The following MEGF11 variants were observed in gnomAD, a reference collection of about 807,000 sequenced individuals.
MEGF11 encodes multiple EGF like domains 11.
A neutral mutation model predicts 146.6 loss-of-function variants in MEGF11; 126 were observed. The ratio of observed to expected loss-of-function variants is 0.86; its 90% confidence interval spans 0.74 to 1.00. The LOEUF (loss-of-function observed/expected upper bound fraction) is 1.00, where lower values mean the gene tolerates loss of function less well. MEGF11 is among the 50% of genes least tolerant of loss of function. MEGF11 has a pLI of 0.00. For missense variants in MEGF11, 1,509 were observed against 1,521.2 expected (o/e 0.99, Z 0.13); for synonymous variants, 532 against 583.4 (o/e 0.91, Z 1.27).
chr15:65,960,731 G>A (rs548394281), intron 9 of MEGF11, among the ~76,000 whole-genome samples: 6 of 152,264 alleles, frequency 3.9e-5, no homozygotes, highest in East Asian at 3.9e-4. Flanking sequence ...AAATGGTCAC[G>A]CTGGAGCTCA....
intron 7 of MEGF11, among the ~76,000 whole-genome samples, chr15:65,978,558 C>A (rs767644980): frequency 6.6e-6 from 1 of 152,190 alleles, no homozygotes; most frequent in African/African-American, 2.4e-5. Context: ...TTCAACCACC[C>A]GAGCCTCAGC....
At chr15:66,152,864 G>A (rs952789619) in intron 1 of MEGF11, among the ~76,000 whole-genome samples, 2 of 152,220 alleles carry the variant, frequency 1.3e-5, no homozygotes, top group African/African-American at 4.8e-5. Context: ...GGGCATGGGA[G>A]GGTATCCAGG....
At chr15:66,022,487 G>A (rs563003102) in intron 5 of MEGF11, among the ~76,000 whole-genome samples, 3 of 152,312 alleles carry the variant, frequency 2.0e-5, no homozygotes, top group African/African-American at 7.2e-5. Context: ...ATTTCAAGGA[G>A]TTCATGGTCA....
chr15:66,227,613 T>C (rs890308294), intron 1 of MEGF11, among the ~76,000 whole-genome samples: 13 of 152,076 alleles, frequency 8.5e-5, no homozygotes, highest in Non-Finnish European at 1.6e-4. Context: ...AGGACCCCCA[T>C]TGAGCTTCAC....
intron 1 of MEGF11, among the ~76,000 whole-genome samples, chr15:66,237,870 G>GTATC (rs886352818): frequency 6.6e-6 from 1 of 152,150 alleles, no homozygotes; most frequent in Non-Finnish European, 1.5e-5. Flanking sequence ...TTTGAGGCTG[G>GTATC]TATCTTCTGT....
chr15:66,121,356 C>A (rs1597103819), intron 3 of MEGF11, among the ~76,000 whole-genome samples: 1 of 152,204 alleles, frequency 6.6e-6, no homozygotes, highest in South Asian at 2.1e-4. Context: ...TTAGTCCCAC[C>A]TCCTCATTCC....
Position 66,152,787 on chromosome 15 carries a change from C to T in MEGF11, c.-8-24376G>A, listed in dbSNP as rs143057509. ...GCCGGATGGCAGTGGGTGGCCAGCA[C>T]GCTTCCTGAGGCCAGCCTGCCCAAT... On this transcript the variant is annotated intron_variant, in intron 1 of 25. Coordinates refer to ENST00000395614, the MANE Select transcript of MEGF11 (RefSeq NM_001385028.1). Among the ~76,000 whole-genome samples, 5 of 152,356 alleles carry T rather than the reference C, an allele frequency of 3.3e-5. No homozygotes were observed. The East Asian group carries it at 5.8e-4, about 18-fold the overall frequency.
intron 5 of MEGF11, among the ~76,000 whole-genome samples, chr15:66,070,182 A>G (rs943396078): frequency 6.6e-6 from 1 of 152,196 alleles, no homozygotes; most frequent in African/African-American, 2.4e-5. Context: ...CCCACAGGCA[A>G]TGAGGACTGG....
At chr15:65,995,178 C>A (rs1027315018) in intron 5 of MEGF11, among the ~76,000 whole-genome samples, 1 of 152,128 alleles carries the variant, frequency 6.6e-6, no homozygotes, top group Admixed American at 6.5e-5. Flanking sequence ...AGGGAGGGGG[C>A]GTGCAGGGCT....
At chr15:65,929,608 C>G in intron 12 of MEGF11, 112 bp downstream of exon 12, 1 of 1,276,960 alleles carries the variant, frequency 7.8e-7, no homozygotes, top group Non-Finnish European at 1.1e-6. Context: ...CCAAGTGTCC[C>G]ATCACCTAGC....
chr15:65,899,340 C>T (rs1213774526), intron 24 of MEGF11, among the ~76,000 whole-genome samples: 1 of 152,168 alleles, frequency 6.6e-6, no homozygotes, highest in Non-Finnish European at 1.5e-5. Context: ...GAATTGAATC[C>T]ATGCCTTTGG....
At chr15:65,945,522 A>G (rs2080157153) in intron 10 of MEGF11, among the ~76,000 whole-genome samples, 1 of 152,164 alleles carries the variant, frequency 6.6e-6, no homozygotes, top group Admixed American at 6.5e-5. Context: ...TGCCCCAGAG[A>G]CTATGTAACC....
intron 20 of MEGF11, among the ~76,000 whole-genome samples, chr15:65,913,209 G>GC (rs1437856760): frequency 6.6e-6 from 1 of 152,162 alleles, no homozygotes; most frequent in African/African-American, 2.4e-5. Flanking sequence ...TGGCACACTT[G>GC]CCAGAGGGAC....
intron 5 of MEGF11, among the ~76,000 whole-genome samples, chr15:66,053,658 C>G (rs1289376876): frequency 1.3e-5 from 2 of 149,518 alleles, no homozygotes; most frequent in African/African-American, 2.5e-5. Flanking sequence ...AAACCTAACA[C>G]TAATCCTCTC....
intron 5 of MEGF11, among the ~76,000 whole-genome samples, chr15:66,013,349 G>T (rs1334215545): frequency 1.3e-5 from 2 of 152,168 alleles, no homozygotes; most frequent in Non-Finnish European, 2.9e-5. Flanking sequence ...TGGGCCTTGA[G>T]AATTCAGGCC....
intron 5 of MEGF11, among the ~76,000 whole-genome samples, chr15:66,049,104 A>G (rs1386513310): frequency 6.6e-6 from 1 of 152,106 alleles, no homozygotes; most frequent in Non-Finnish European, 1.5e-5. Context: ...CAGCCCCGCA[A>G]AGTCACAGCA....
At position 65,947,569 on chromosome 15, in the gene MEGF11, C is replaced by G. The variant is rs56113238; in HGVS notation, c.1287+9978G>C. ...TAGAACAGAGTGCCTGGCCTAGGGC[C>G]CACTGCAAAATATGAGCCATCATCA... On this transcript the variant is annotated intron_variant, in intron 10 of 25. Transcript: ENST00000395614. Among the ~76,000 whole-genome samples, 418 of 152,222 alleles carry G rather than the reference C, an allele frequency of 2.7e-3. 1 individual carries two copies. Among genetic ancestry groups the G allele is most frequent in the African/African-American group, 9.8e-3 (405 of 41,530 alleles).
chr15:66,129,700 C>A (rs1385181435), intron 1 of MEGF11, among the ~76,000 whole-genome samples: 2 of 152,158 alleles, frequency 1.3e-5, no homozygotes, highest in African/African-American at 4.8e-5. Flanking sequence ...CCCATTTGTA[C>A]CCTCAGGGAA....
intron 5 of MEGF11, among the ~76,000 whole-genome samples, chr15:66,065,299 G>C (rs2085076925): frequency 6.7e-6 from 1 of 148,524 alleles, no homozygotes; most frequent in African/African-American, 2.5e-5. Flanking sequence ...TTCTATGATG[G>C]TGAAAAAAAA....
Sources: allele counts gnomAD v4.1 joint callset (sites outside exome capture counted in the v4.1 genomes callset), GRCh38; gene constraint gnomAD v4.1.1; transcripts MANE v1.5; gene names NCBI Gene and HGNC (gene_info 2026-07-23, HGNC 2026-07-21).